DYNC2H1: variants seen among roughly 807,000 people sequenced by gnomAD.
DYNC2H1 encodes the protein cytoplasmic dynein 2 heavy chain 1.
DYNC2H1 carries 410 observed loss-of-function variants against 570.0 expected under a neutral mutation model. The ratio of observed to expected loss-of-function variants is 0.72; its 90% CI spans 0.66 to 0.78. The LOEUF is 0.78. Ranked by LOEUF, DYNC2H1 falls within the 30% of genes least tolerant of loss-of-function variation. The pLI is 0.00. For synonymous variants in DYNC2H1, 1,688 were observed against 1,677.6 expected (o/e 1.01, Z -0.15); for missense variants, 4,865 against 5,046.4 (o/e 0.96, Z 1.09).
At chr11:103,198,187 C>A in intron 48 of DYNC2H1, 124 bp downstream of exon 48, 1 of 1,152,158 alleles carries the variant, frequency 8.7e-7, no homozygotes, top group East Asian at 2.6e-5. Flanking sequence ...TGGTTCTTAT[C>A]TTTTGGAATT....
rs72989721 is a variant in DYNC2H1, at chr11:103,145,677, C to A, written c.2703-2095C>A. On this transcript the variant is annotated intron_variant, in intron 18 of 88. Coordinates refer to ENST00000375735, the MANE Select transcript of DYNC2H1 (RefSeq NM_001377.3). The surrounding 1 kb of genome is among the most constrained non-coding windows in gnomAD (Gnocchi z 4.2). ...ACATACATATGCACATACAAACATACACATTTATTTCATCGGTACTTTTTG... is the reference window on the plus strand; with the variant it reads ...ACATACATATGCACATACAAACATAAACATTTATTTCATCGGTACTTTTTG... 6.6e-6 allele frequency among the ~76,000 whole-genome samples: 1 copy of A among 152,236 alleles called. No individual in the cohort carries two copies. The highest frequency in any genetic ancestry group is 1.5e-5 in the Non-Finnish European group (1 of 68,002).
At position 103,205,772 on chromosome 11, in the gene DYNC2H1, G is replaced by A. The variant is rs1379066733; in HGVS notation, c.8454+808G>A. 6.6e-6 allele frequency among the ~76,000 whole-genome samples: 1 copy of A among 152,128 alleles called. No individual in the cohort carries two copies. Among genetic ancestry groups the A allele is most frequent in the Non-Finnish European group, 1.5e-5 (1 of 68,028 alleles). Reference sequence around the variant, plus strand: ...GGAAAGCTTTCTAGGTGAAGATCCTGGGTAGAGAGCATGTCTGATGATTTT... The same window carrying A: ...GGAAAGCTTTCTAGGTGAAGATCCTAGGTAGAGAGCATGTCTGATGATTTT... On this transcript the variant is annotated intron_variant, in intron 52 of 88. Coordinates refer to ENST00000375735, the MANE Select transcript of DYNC2H1 (RefSeq NM_001377.3). The surrounding 1 kb of genome is among the most constrained non-coding windows in gnomAD (Gnocchi z 4.5).
intron 60 of DYNC2H1, among the ~76,000 whole-genome samples, chr11:103,233,020 C>T (rs560405464): frequency 2.6e-5 from 4 of 151,856 alleles, no homozygotes; most frequent in South Asian, 2.1e-4. Context: ...TTTAAATAGC[C>T]GTAAAGTGGC....
chr11:103,184,221 T>C (rs1861974144), intron 40 of DYNC2H1, among the ~76,000 whole-genome samples: 1 of 152,014 alleles, frequency 6.6e-6, no homozygotes, highest in Non-Finnish European at 1.5e-5. Context: ...TCCTGTGCTA[T>C]GCTTGAGCTC....
intron 83 of DYNC2H1, among the ~76,000 whole-genome samples, chr11:103,390,466 G>A (rs1469890528): frequency 6.6e-6 from 1 of 152,064 alleles, no homozygotes. Context: ...ACCAGTCTGT[G>A]TCTTTTAATT....
chr11:103,477,741 G>A (rs942556998), intron 88 of DYNC2H1, among the ~76,000 whole-genome samples: 3 of 148,334 alleles, frequency 2.0e-5, no homozygotes, highest in African/African-American at 7.5e-5. Flanking sequence ...TGAGGCAGGA[G>A]AGTGGAATGA....
intron 83 of DYNC2H1, among the ~76,000 whole-genome samples, chr11:103,393,247 C>G (rs1942248525): frequency 6.6e-6 from 1 of 152,226 alleles, no homozygotes. Context: ...ATAGTCAGTA[C>G]TCCATGAAAA....
intron 86 of DYNC2H1, 137 bp from the exon 87 acceptor site, chr11:103,456,138 G>C: frequency 1.7e-6 from 1 of 587,174 alleles, no homozygotes. Flanking sequence ...GACATATTAT[G>C]CATAGTTTAA....
At position 103,321,066 on chromosome 11, in the gene DYNC2H1, A is replaced by G. The variant is rs766297786; in HGVS notation, c.11763A>G (p.Leu3921=). ...TACAATGGGAATTTGTACATGGTTT[A>G]CTTGAAAATGCTATTTATGGAGGAC... is the stretch of plus-strand genomic sequence containing the variant. ...KDVQWEFVHG[L]LENAIYGGRI... is the part of the protein sequence containing the mutation. The change falls in exon 81 of 89, where the codon TTA becomes TTG. Residue 3921 remains leucine (L), a synonymous_variant. Coordinates refer to ENST00000375735, the MANE Select transcript of DYNC2H1 (RefSeq NM_001377.3). The G allele has an allele frequency of 8.1e-6, 13 of 1,612,582 alleles. 1 individual carries two copies. In the South Asian group the frequency reaches 1.1e-4, roughly 14 times the overall value.
At chr11:103,471,653 A>G (rs1216840757) in intron 88 of DYNC2H1, among the ~76,000 whole-genome samples, 1 of 152,196 alleles carries the variant, frequency 6.6e-6, no homozygotes, top group Non-Finnish European at 1.5e-5. Flanking sequence ...CTTATTTCAT[A>G]TGGTACTTTT....
intron 65 of DYNC2H1, among the ~76,000 whole-genome samples, chr11:103,247,153 A>G (rs148391596): frequency 0.015 from 2,351 of 152,118 alleles, 63 homozygotes; most frequent in African/African-American, 0.052. Flanking sequence ...GTTGGCTAAT[A>G]GTTTTACATT....
chr11:103,333,073 A>C (rs1938908439), intron 82 of DYNC2H1, among the ~76,000 whole-genome samples: 1 of 152,180 alleles, frequency 6.6e-6, no homozygotes, highest in African/African-American at 2.4e-5. Context: ...TGTTACAGGA[A>C]GTTCTTCAAA....
chr11:103,114,280 G>T, intron 3 of DYNC2H1, 42 bp downstream of exon 3: 1 of 1,503,386 alleles, frequency 6.7e-7, no homozygotes, highest in Non-Finnish European at 8.9e-7. Flanking sequence ...CAAAATGATT[G>T]TCTCATTAAT....
In DYNC2H1 at chr11:103,115,042, G is replaced by T. The variant is rs1011385999; in HGVS notation, c.503-135G>T. 6 of 518,028 alleles carry T rather than the reference G, an allele frequency of 1.2e-5. No homozygotes were observed. The East Asian group carries it at 2.0e-4, about 17-fold the overall frequency. 32.1% of individuals were successfully genotyped at this position (518,028 alleles called of 1,614,324 possible). On this transcript the variant is annotated intron_variant, in intron 3 of 88. Transcript: ENST00000375735. ...ATAGTATGAAATAGGAAACAATAAG[G>T]AAGTGTCACCTATTTGACCTCAGCT...
At chr11:103,423,965 C>A (rs1943580544) in intron 84 of DYNC2H1, among the ~76,000 whole-genome samples, 1 of 151,958 alleles carries the variant, frequency 6.6e-6, no homozygotes. Flanking sequence ...CTTATAATAG[C>A]ATTGAAAAGA....
intron 39 of DYNC2H1, among the ~76,000 whole-genome samples, chr11:103,179,636 A>C (rs1286794963): frequency 6.6e-6 from 1 of 151,754 alleles, no homozygotes; most frequent in Non-Finnish European, 1.5e-5. Flanking sequence ...AAATCTATTT[A>C]ATTTTAGATT....
chr11:103,129,947 T>C lies in DYNC2H1; in HGVS notation c.1953+942T>C, dbSNP rs1416945634. ...AGGATCCACAGTACTCAGTGTATGG[T>C]CATACTCATAGCAGTATTTATTACG... On this transcript the variant is annotated intron_variant, in intron 13 of 88. Transcript: ENST00000375735. This position sits in a 1 kb window ranked among gnomAD's most constrained non-coding sequence, Gnocchi z 4.1. Among the ~76,000 whole-genome samples the C allele has an allele frequency of 6.6e-6, 1 of 152,164 alleles. No homozygotes were observed. The highest frequency in any genetic ancestry group is 1.5e-5 in the Non-Finnish European group (1 of 68,036).
chr11:103,125,079 GTTAT>G lies in DYNC2H1; in HGVS notation c.1662-14_1662-11del. 1 of 1,570,988 alleles carries G rather than the reference GTTAT, an allele frequency of 6.4e-7. No homozygotes were observed. Among genetic ancestry groups the G allele is most frequent in the Non-Finnish European group, 8.7e-7 (1 of 1,149,136 alleles). ...ACAGTGAGAACATGAAACTTAACAG[GTTAT>G]TTATTTTGTTTTATAGTATTGAGGC... On this transcript the variant is annotated splice_polypyrimidine_tract_variant and intron_variant, in intron 11 of 88. Coordinates refer to ENST00000375735, the MANE Select transcript of DYNC2H1 (RefSeq NM_001377.3).
Position 103,299,754 on chromosome 11 carries a change from A to G in DYNC2H1, c.11096-3339A>G, listed in dbSNP as rs1388127070. 6.6e-6 allele frequency among the ~76,000 whole-genome samples: 1 copy of G among 152,126 alleles called. No individual in the cohort carries two copies. Among genetic ancestry groups the G allele is most frequent in the African/African-American group, 2.4e-5 (1 of 41,444 alleles). On this transcript the variant is annotated intron_variant, in intron 75 of 88. Coordinates refer to ENST00000375735, the MANE Select transcript of DYNC2H1 (RefSeq NM_001377.3). The surrounding 1 kb of genome is among the most constrained non-coding windows in gnomAD (Gnocchi z 4.5). ...TTCTTACTTTTAGGTTCATGACCTT[A>G]GTTACATTTGCAAAGTCCCTTCACA...
Sources: gnomAD v4.1 joint callset for allele counts (sites outside exome capture counted in the v4.1 genomes callset) on GRCh38, gnomAD v4.1.1 for gene constraint, Gnocchi (gnomAD v3.1) non-coding constraint, MANE v1.5 for transcripts, NCBI Gene and HGNC (gene_info 2026-07-23, HGNC 2026-07-21) for gene names.